Variants in NDRG3 observed in about 807,000 individuals in gnomAD.
The protein encoded by NDRG3 is NDRG family member 3.
In NDRG3, 23 loss-of-function variants were observed where a neutral mutation model predicts 57.2. That is an observed-to-expected ratio of 0.40 (90% CI 0.29 to 0.57). NDRG3 has a LOEUF of 0.57. Ranked by LOEUF, NDRG3 falls within the 20% of genes least tolerant of loss-of-function variation. The pLI is 0.42. For synonymous variants in NDRG3, 132 were observed against 162.6 expected (o/e 0.81, Z 1.43); for missense variants, 384 against 457.3 (o/e 0.84, Z 1.46).
chr20:36,741,714 C>A (rs1032557639), intron 1 of NDRG3, among the ~76,000 whole-genome samples: 1 of 152,192 alleles, frequency 6.6e-6, no homozygotes, highest in African/African-American at 2.4e-5. Context: ...TCTAGCTGCT[C>A]AACCTTCTAA....
intron 1 of NDRG3, among the ~76,000 whole-genome samples, chr20:36,744,235 T>G (rs535628853): frequency 6.6e-6 from 1 of 152,252 alleles, no homozygotes; most frequent in South Asian, 2.1e-4. Context: ...GACTCTTATC[T>G]GCAAGTTTTC....
chr20:36,744,025 C>A lies in NDRG3; in HGVS notation c.-49+2020G>T, dbSNP rs750147362. Among the ~76,000 whole-genome samples the A allele has an allele frequency of 9.3e-4, 140 of 150,232 alleles. 1 individual carries two copies. The highest frequency in any genetic ancestry group is 1.7e-3 in the Non-Finnish European group (118 of 67,490). Reference sequence around the variant, plus strand: ...ACGCCATTCTCCTGCCTCAGCCTCCCGAGTAGCTGGGACTACAGGCGCCCA... The same window carrying A: ...ACGCCATTCTCCTGCCTCAGCCTCCAGAGTAGCTGGGACTACAGGCGCCCA... On this transcript the variant is annotated intron_variant, in intron 1 of 15. Transcript: ENST00000349004.
At chr20:36,656,224 T>C (rs1978654150) in intron 15 of NDRG3, 136 bp downstream of exon 15, 3 of 704,102 alleles carry the variant, frequency 4.3e-6, no homozygotes, top group East Asian at 2.7e-5. Flanking sequence ...GAATGTTCCA[T>C]AAACATTTCA....
intron 1 of NDRG3, among the ~76,000 whole-genome samples, chr20:36,738,477 C>G (rs186003666): frequency 6.7e-6 from 1 of 149,980 alleles, no homozygotes; most frequent in Admixed American, 6.7e-5. Flanking sequence ...CACTCTAGAC[C>G]GGGCAAAAGA....
chr20:36,715,427 C>A (rs6071999), intron 2 of NDRG3, among the ~76,000 whole-genome samples: 43,463 of 151,508 alleles, frequency 0.29, 6,737 homozygotes, highest in Middle Eastern at 0.37. Context: ...AGATGTAGCA[C>A]TTCATGAATA....
At chr20:36,689,732 T>C (rs1260753472) in intron 3 of NDRG3, among the ~76,000 whole-genome samples, 1 of 150,294 alleles carries the variant, frequency 6.7e-6, no homozygotes, top group East Asian at 2.0e-4. Flanking sequence ...TTTTTTTTTT[T>C]TTTTTTGAGA....
At chr20:36,668,105 G>A (rs1446069314) in intron 9 of NDRG3, among the ~76,000 whole-genome samples, 1 of 152,140 alleles carries the variant, frequency 6.6e-6, no homozygotes, top group Non-Finnish European at 1.5e-5. Flanking sequence ...AGCTTAGTGT[G>A]GTGGTACGTG....
At chr20:36,724,251 C>T (rs1328341667) in intron 1 of NDRG3, among the ~76,000 whole-genome samples, 1 of 152,160 alleles carries the variant, frequency 6.6e-6, no homozygotes, top group Admixed American at 6.6e-5. Context: ...AGGCTATGAA[C>T]CCCACATGCT....
chr20:36,704,104 T>C (rs892209963), intron 3 of NDRG3, among the ~76,000 whole-genome samples: 1 of 152,070 alleles, frequency 6.6e-6, no homozygotes, highest in Non-Finnish European at 1.5e-5. Flanking sequence ...TGAGATGGAG[T>C]CTCACTCTGT....
At chr20:36,693,208 GTA>G (rs1254212682) in intron 3 of NDRG3, among the ~76,000 whole-genome samples, 4 of 115,878 alleles carry the variant, frequency 3.5e-5, no homozygotes, top group Middle Eastern at 7.6e-3. Context: ...ATATATATGT[GTA>G]TATATATGTA....
intron 3 of NDRG3, among the ~76,000 whole-genome samples, chr20:36,692,839 T>G (rs1173872450): frequency 6.6e-6 from 1 of 151,288 alleles, no homozygotes; most frequent in Non-Finnish European, 1.5e-5. Flanking sequence ...TTTGGGAGGC[T>G]GAGGTGAGAG....
At chr20:36,688,304 T>A (rs2148119282) in intron 4 of NDRG3, among the ~76,000 whole-genome samples, 1 of 152,272 alleles carries the variant, frequency 6.6e-6, no homozygotes, top group Non-Finnish European at 1.5e-5. Flanking sequence ...GCAAGAATTC[T>A]TACTAATTCA....
At chr20:36,678,210 G>A (rs1227103006) in intron 8 of NDRG3, among the ~76,000 whole-genome samples, 3 of 152,184 alleles carry the variant, frequency 2.0e-5, no homozygotes, top group East Asian at 3.8e-4. Context: ...ATAAGAAAAT[G>A]CAAACTATAG....
intron 5 of NDRG3, among the ~76,000 whole-genome samples, chr20:36,687,148 CA>C (rs1422082804): frequency 6.6e-6 from 1 of 151,974 alleles, no homozygotes; most frequent in Non-Finnish European, 1.5e-5. Flanking sequence ...TGTGAGTCAC[CA>C]CGTCTCGCTA....
chr20:36,739,238 G>A (rs1985789083), intron 1 of NDRG3, among the ~76,000 whole-genome samples: 2 of 149,518 alleles, frequency 1.3e-5, no homozygotes, highest in African/African-American at 4.9e-5. Context: ...CACGAGGTCA[G>A]GAGATCGAGA....
In NDRG3 at chr20:36,653,354, G is replaced by A. The variant is rs1475878322; in HGVS notation, c.*166C>T. ...AGTGGTTCTTGGGCTATACAAAAAA[G>A]GGGGTGGGCAGGCAGAGAGAATGAT... On this transcript the variant is annotated 3_prime_UTR_variant, in exon 16 of 16. Transcript: ENST00000349004. The surrounding 1 kb of genome is among the most constrained non-coding windows in gnomAD (Gnocchi z 4.2). 1 of 600,090 alleles carries A rather than the reference G, an allele frequency of 1.7e-6. No homozygotes were observed. Among genetic ancestry groups the A allele is most frequent in the Non-Finnish European group, 2.9e-6 (1 of 347,996 alleles). 37.2% of individuals were successfully genotyped at this position (600,090 alleles called of 1,614,324 possible).
At chr20:36,672,966 C>T (rs538559589) in intron 8 of NDRG3, among the ~76,000 whole-genome samples, 29 of 152,010 alleles carry the variant, frequency 1.9e-4, no homozygotes, top group Non-Finnish European at 3.7e-4. Context: ...CAGGCTCAAG[C>T]GATTTTCCGG....
chr20:36,728,887 A>G (rs2148212058), intron 1 of NDRG3, among the ~76,000 whole-genome samples: 1 of 152,064 alleles, frequency 6.6e-6, no homozygotes, highest in Non-Finnish European at 1.5e-5. Context: ...ATGCCCAGCT[A>G]AGTTTTGTAT....
At chr20:36,721,294 G>T (rs866397014) in intron 2 of NDRG3, among the ~76,000 whole-genome samples, 12 of 151,892 alleles carry the variant, frequency 7.9e-5, no homozygotes, top group South Asian at 4.2e-4. Flanking sequence ...ACTTTGGGAG[G>T]CCATGGCGGG....
Sources: gnomAD v4.1 joint callset for allele counts (sites outside exome capture counted in the v4.1 genomes callset) on GRCh38, gnomAD v4.1.1 for gene constraint, Gnocchi (gnomAD v3.1) non-coding constraint, MANE v1.5 for transcripts, NCBI Gene and HGNC (gene_info 2026-07-23, HGNC 2026-07-21) for gene names.